The following ZFHX3 variants were observed in gnomAD, a reference collection of about 807,000 sequenced individuals.
The protein encoded by ZFHX3 is zinc finger homeobox protein 3.
ZFHX3 carries 42 observed loss-of-function variants against 279.1 expected under a neutral mutation model. That is an observed-to-expected ratio of 0.15 (90% CI 0.12 to 0.19). The LOEUF (loss-of-function observed/expected upper bound fraction) is 0.19. Ranked by LOEUF, ZFHX3 falls within the 10% of genes least tolerant of loss-of-function variation. ZFHX3 has a pLI of 1.00. For synonymous variants in ZFHX3, 2,293 were observed against 1,957.8 expected, an observed-to-expected ratio of 1.17 and a Z score of -4.52; for missense variants, 4,981 against 4,754.0, an observed-to-expected ratio of 1.05 and a Z score of -1.40.
intron 1 of ZFHX3, among the ~76,000 whole-genome samples, chr16:73,750,237 G>A (rs2053749780): frequency 6.6e-6 from 1 of 152,158 alleles, no homozygotes; most frequent in South Asian, 2.1e-4. Context: ...TATCGTCCCA[G>A]GAAGAAAAAA....
rs367787016 is a variant in ZFHX3, at chr16:73,872,612, C to T, written c.-1608+19039G>A. ...GCCCTCTGAATAGTACATGAATTGT[C>T]GGACAGTTATCTTTAAAAAACTTAA... On this transcript the variant is annotated intron_variant, in intron 1 of 17. Transcript: ENST00000641206. Among the ~76,000 whole-genome samples the T allele has an allele frequency of 6.6e-5, 10 of 150,812 alleles. No individual in the cohort carries two copies. The East Asian group carries it at 8.0e-4, about 12-fold the overall frequency.
chr16:72,823,009 A>T (rs990032888), intron 5 of ZFHX3, among the ~76,000 whole-genome samples: 3 of 152,104 alleles, frequency 2.0e-5, no homozygotes, highest in African/African-American at 7.2e-5. Context: ...ATAGTTCATG[A>T]TTTGTTTTCA....
chr16:72,946,261 T>C (rs1960670328), intron 3 of ZFHX3, among the ~76,000 whole-genome samples: 1 of 152,208 alleles, frequency 6.6e-6, no homozygotes, highest in African/African-American at 2.4e-5. Context: ...GCTTGGACAC[T>C]GGCTTCTCCT....
At chr16:73,334,714 G>C (rs1171194811) in intron 3 of ZFHX3, among the ~76,000 whole-genome samples, 1 of 149,784 alleles carries the variant, frequency 6.7e-6, no homozygotes, top group Non-Finnish European at 1.5e-5. Context: ...GCGTTTCAGA[G>C]TCCCCAAATT....
At chr16:73,716,258 T>C (rs2053413395) in intron 1 of ZFHX3, among the ~76,000 whole-genome samples, 1 of 152,074 alleles carries the variant, frequency 6.6e-6, no homozygotes, top group African/African-American at 2.4e-5. Flanking sequence ...GGATTTGTGA[T>C]ATATTATCTT....
At chr16:73,291,568 CT>C (rs2014771953) in intron 4 of ZFHX3, among the ~76,000 whole-genome samples, 1 of 152,176 alleles carries the variant, frequency 6.6e-6, no homozygotes, top group Non-Finnish European at 1.5e-5. Flanking sequence ...CTGCTCACCC[CT>C]GATTAGAAAG....
chr16:73,375,285 G>A (rs888053443), intron 3 of ZFHX3, among the ~76,000 whole-genome samples: 4 of 152,306 alleles, frequency 2.6e-5, no homozygotes, highest in Admixed American at 1.3e-4. Context: ...GTCTTTGGCT[G>A]ATGGCACTTC....
At chr16:73,416,829 G>A (rs8048406) in intron 3 of ZFHX3, among the ~76,000 whole-genome samples, 12 of 150,370 alleles carry the variant, frequency 8.0e-5, no homozygotes, top group South Asian at 2.1e-4. Context: ...AGCCGAGATC[G>A]CGCCACTGCA....
intron 3 of ZFHX3, among the ~76,000 whole-genome samples, chr16:73,376,714 G>T (rs902846667): frequency 6.6e-6 from 1 of 152,160 alleles, no homozygotes; most frequent in Non-Finnish European, 1.5e-5. Context: ...TGTGGCAGTC[G>T]TGAGGAGGAG....
chr16:72,946,644 A>G (rs1960692140), intron 3 of ZFHX3, among the ~76,000 whole-genome samples: 1 of 152,160 alleles, frequency 6.6e-6, no homozygotes, highest in African/African-American at 2.4e-5. Flanking sequence ...TGGGAATGCA[A>G]GATAAACGTG....
chr16:73,603,265 A>G (rs2143866198), intron 2 of ZFHX3, among the ~76,000 whole-genome samples: 1 of 151,530 alleles, frequency 6.6e-6, no homozygotes, highest in African/African-American at 2.4e-5. Context: ...AGCCTGGGCA[A>G]CAGAGCGAGA....
intron 3 of ZFHX3, among the ~76,000 whole-genome samples, chr16:73,409,855 G>T (rs2017431767): frequency 6.6e-6 from 1 of 152,040 alleles, no homozygotes; most frequent in African/African-American, 2.4e-5. Context: ...AAATAGCCAG[G>T]AACAGAAAGA....
At chr16:73,541,896 G>A (rs1040371500) in intron 2 of ZFHX3, among the ~76,000 whole-genome samples, 7 of 148,582 alleles carry the variant, frequency 4.7e-5, no homozygotes, top group African/African-American at 1.7e-4. Context: ...CTGCCTCCTG[G>A]GTTAAAGCAA....
intron 3 of ZFHX3, among the ~76,000 whole-genome samples, chr16:73,355,358 T>G (rs953962140): frequency 1.3e-5 from 2 of 152,274 alleles, no homozygotes; most frequent in South Asian, 2.1e-4. Flanking sequence ...TCCATTTGGG[T>G]TTTTTTCTAA....
intron 3 of ZFHX3, among the ~76,000 whole-genome samples, chr16:73,320,169 G>A (rs2015546886): frequency 6.6e-6 from 1 of 152,198 alleles, no homozygotes; most frequent in Non-Finnish European, 1.5e-5. Context: ...TCGAGGGCCT[G>A]GGATTCAGAA....
At chr16:73,283,333 C>A (rs2014504682) in intron 4 of ZFHX3, among the ~76,000 whole-genome samples, 1 of 152,184 alleles carries the variant, frequency 6.6e-6, no homozygotes, top group South Asian at 2.1e-4. Context: ...AGGATGATGA[C>A]CATCCCCAGG....
intron 2 of ZFHX3, among the ~76,000 whole-genome samples, chr16:73,652,914 A>G (rs1297553891): frequency 1.3e-5 from 2 of 152,198 alleles, no homozygotes; most frequent in African/African-American, 4.8e-5. Flanking sequence ...AACAGCCCCA[A>G]TTCTCCAATT....
chr16:73,295,553 C>A (rs2014888531), intron 4 of ZFHX3, among the ~76,000 whole-genome samples: 1 of 152,262 alleles, frequency 6.6e-6, no homozygotes, highest in Non-Finnish European at 1.5e-5. Flanking sequence ...CATGCGCAAT[C>A]TGCAGAATTT....
In ZFHX3 at chr16:73,095,865, T is replaced by G. The variant is rs534371062; in HGVS notation, c.-896-2267A>C. 6.6e-5 allele frequency among the ~76,000 whole-genome samples: 10 copies of G among 152,346 alleles called. No individual in the cohort carries two copies. In the South Asian group the frequency reaches 2.1e-3, roughly 32 times the overall value. ...GGGGAAAAGAATCCCGGCCCCTTCT[T>G]TTTAATAAACCATTTTCAACAGAGC... On this transcript the variant is annotated intron_variant, in intron 7 of 17. Coordinates refer to the ZFHX3 transcript ENST00000641206.
Sources: allele counts gnomAD v4.1 joint callset (sites outside exome capture counted in the v4.1 genomes callset), GRCh38; gene constraint gnomAD v4.1.1; transcripts MANE v1.5; gene names NCBI Gene and HGNC (gene_info 2026-07-23, HGNC 2026-07-21).